BLTP1: variants seen among roughly 807,000 people sequenced by gnomAD.
BLTP1 encodes fragile site-associated protein.
At chr4:122,349,141 T>C in the BLTP1 span, 1 of 1,592,774 alleles carries the variant, frequency 6.3e-7, no homozygotes, top group Non-Finnish European at 8.6e-7. The surrounding 1 kb of genome is among the most constrained non-coding windows in gnomAD (Gnocchi z 4.5). Context: ...TATAATAACC[T>C]TTTTTTCATT....
chr4:122,307,661 A>G, the BLTP1 span: 305 of 985,168 alleles, frequency 3.1e-4, 3 homozygotes, highest in African/African-American at 4.9e-3. Flanking sequence ...CCCAGTATCT[A>G]ACATATAATA....
the BLTP1 span, among the ~76,000 whole-genome samples, chr4:122,215,122 G>A: frequency 5.3e-5 from 8 of 152,256 alleles, no homozygotes; most frequent in Non-Finnish European, 1.0e-4. Flanking sequence ...CTCCTTTAGA[G>A]CAAAGTCACT....
the BLTP1 span, chr4:122,196,810 T>C: frequency 1.6e-6 from 2 of 1,254,804 alleles, no homozygotes; most frequent in African/African-American, 3.1e-5. Context: ...TATAATAATA[T>C]AGTAGAAAAT....
chr4:122,174,344 T>C, the BLTP1 span: 3 of 982,696 alleles, frequency 3.1e-6, no homozygotes, highest in Non-Finnish European at 3.6e-6. Context: ...TAAACTAATA[T>C]CCTCTTCAGG....
the BLTP1 span, chr4:122,250,916 G>A: frequency 4.1e-6 from 4 of 984,520 alleles, no homozygotes; most frequent in Non-Finnish European, 4.8e-6. Context: ...AAGTCATTTT[G>A]TTATTGGTAG....
chr4:122,225,194 A>G, the BLTP1 span: 1 of 234,060 alleles, frequency 4.3e-6, no homozygotes, highest in Non-Finnish European at 7.0e-6. Context: ...AGTGATGTGG[A>G]TAATAGTTTC....
chr4:122,212,011 C>T, the BLTP1 span: 1 of 970,844 alleles, frequency 1.0e-6, no homozygotes, highest in Non-Finnish European at 1.2e-6. Flanking sequence ...TCGGCAGATT[C>T]ACTTTGGATA....
At chr4:122,218,824 G>A in the BLTP1 span, among the ~76,000 whole-genome samples, 1 of 152,160 alleles carries the variant, frequency 6.6e-6, no homozygotes, top group South Asian at 2.1e-4. Context: ...GGTAACACAT[G>A]CCTTTATCTC....
chr4:122,257,326 T>C, the BLTP1 span: 2 of 1,614,110 alleles, frequency 1.2e-6, no homozygotes, highest in East Asian at 4.5e-5. Flanking sequence ...GGATGAAGTT[T>C]ATTGTGGTGA....
the BLTP1 span, among the ~76,000 whole-genome samples, chr4:122,183,853 A>G: frequency 6.6e-6 from 1 of 152,042 alleles, no homozygotes; most frequent in Admixed American, 6.6e-5. Flanking sequence ...TTATTTATTC[A>G]CACAAATATC....
At chr4:122,173,358 G>A in the BLTP1 span, 5 of 161,328 alleles carry the variant, frequency 3.1e-5, no homozygotes, top group African/African-American at 1.2e-4. Context: ...ACTCTGCAGA[G>A]TCTTGAGGTG....
At chr4:122,185,951 CT>C in the BLTP1 span, 2 of 1,084,426 alleles carry the variant, frequency 1.8e-6, no homozygotes, top group Admixed American at 5.5e-5. Flanking sequence ...AATTGAATTA[CT>C]TTGGGTGTAT....
the BLTP1 span, chr4:122,246,333 AGAG>A: frequency 1.3e-6 from 2 of 1,483,686 alleles, no homozygotes; most frequent in South Asian, 2.7e-5. Context: ...TTTTCCTGAA[AGAG>A]GAGAGCATTT....
the BLTP1 span, among the ~76,000 whole-genome samples, chr4:122,321,553 ACT>A: frequency 1.3e-5 from 2 of 151,948 alleles, no homozygotes; most frequent in African/African-American, 4.8e-5. Context: ...ATATACACAC[ACT>A]CACACACATG....
At chr4:122,270,476 C>A in the BLTP1 span, 1 of 429,612 alleles carries the variant, frequency 2.3e-6, no homozygotes, top group Non-Finnish European at 3.1e-6. Flanking sequence ...TTTAGATAAG[C>A]AGGAGGATTT....
the BLTP1 span, among the ~76,000 whole-genome samples, chr4:122,244,248 C>A: frequency 6.6e-6 from 1 of 152,024 alleles, no homozygotes; most frequent in African/African-American, 2.4e-5. Context: ...CTTTCTCAGC[C>A]TAAATAATTG....
chr4:122,196,626 T>C, the BLTP1 span: 1 of 1,599,388 alleles, frequency 6.3e-7, no homozygotes, highest in South Asian at 1.1e-5. Flanking sequence ...TTCTACCTCC[T>C]TAATGTAGAG....
At chr4:122,269,318 G>A in the BLTP1 span, 1 of 634,422 alleles carries the variant, frequency 1.6e-6, no homozygotes, top group Non-Finnish European at 2.0e-6. Context: ...CTATTTATTG[G>A]CCTAGTAAAA....
the BLTP1 span, chr4:122,167,672 C>T: frequency 1.0e-6 from 1 of 985,390 alleles, no homozygotes; most frequent in Non-Finnish European, 1.2e-6. Context: ...GGTTTTGACA[C>T]CCTTAGGTGC....
Sources: allele counts gnomAD v4.1 joint callset (sites outside exome capture counted in the v4.1 genomes callset), GRCh38; gene constraint gnomAD v4.1.1; non-coding constraint Gnocchi (gnomAD v3.1); transcripts MANE v1.5; gene names NCBI Gene and HGNC (gene_info 2026-07-23, HGNC 2026-07-21).